The following NTN1 variants were observed in gnomAD, a reference collection of about 807,000 sequenced individuals.
The protein encoded by NTN1 is netrin-1.
Under a neutral mutation model 54.2 loss-of-function variants are expected in NTN1, and 11 were observed. The observed-to-expected ratio is 0.20, with a 90% CI of 0.13 to 0.34. NTN1 has a LOEUF of 0.34. Among genes scored for constraint, NTN1 ranks in the 10% least tolerant of loss-of-function variants. The pLI, the probability that NTN1 is intolerant of heterozygous loss-of-function variation, is 1.00. For missense variants in NTN1, 740 were observed against 893.1 expected, an observed-to-expected ratio of 0.83 and a Z score of 2.18; for synonymous variants, 371 against 382.0, an observed-to-expected ratio of 0.97 and a Z score of 0.33.
chr17:9,114,810 A>G (rs568395382), intron 2 of NTN1, among the ~76,000 whole-genome samples: 55 of 152,382 alleles, frequency 3.6e-4, no homozygotes, highest in African/African-American at 1.2e-3. Context: ...TGTTACCAGT[A>G]TAAACTGTTG....
At chr17:9,098,092 C>G (rs573734961) in intron 2 of NTN1, among the ~76,000 whole-genome samples, 6 of 152,288 alleles carry the variant, frequency 3.9e-5, no homozygotes, top group South Asian at 2.1e-4. Flanking sequence ...CTACCGTTAT[C>G]ATGACTGTAG....
At chr17:9,137,274 G>A (rs185627700) in intron 2 of NTN1, among the ~76,000 whole-genome samples, 2 of 152,246 alleles carry the variant, frequency 1.3e-5, no homozygotes, top group Admixed American at 6.5e-5. Context: ...CATGTCTCCT[G>A]TTTGTTCTGT....
intron 6 of NTN1, among the ~76,000 whole-genome samples, chr17:9,229,161 T>C (rs1905721167): frequency 1.1e-5 from 1 of 89,406 alleles, no homozygotes; most frequent in African/African-American, 5.1e-5. Flanking sequence ...TGTGACTGTG[T>C]GAGACTGTGT....
chr17:9,176,943 C>T (rs953942976), intron 3 of NTN1: 9 of 152,236 alleles, frequency 5.9e-5, no homozygotes, highest in East Asian at 5.8e-4. Context: ...GGATTCGACA[C>T]GTATGAGAGA....
intron 2 of NTN1, among the ~76,000 whole-genome samples, chr17:9,153,651 G>A (rs1039488968): frequency 3.3e-5 from 5 of 152,202 alleles, no homozygotes; most frequent in African/African-American, 1.2e-4. Flanking sequence ...ATGCAGCAAC[G>A]TCAGCCCTAT....
intron 5 of NTN1, among the ~76,000 whole-genome samples, chr17:9,218,915 G>GGAAGAAAAAAAAAAAA (rs1391961956): frequency 1.4e-5 from 2 of 141,148 alleles, no homozygotes; most frequent in East Asian, 4.2e-4. Flanking sequence ...TGGCTTTTGT[G>GGAAGAAAAAAAAAAAA]AAAAAAAAAA....
At chr17:9,005,793 G>C in the NTN1 span, among the ~76,000 whole-genome samples, 1 of 152,310 alleles carries the variant, frequency 6.6e-6, no homozygotes, top group South Asian at 2.1e-4. Context: ...GGGGTGAACT[G>C]TGCACCCAGC....
At chr17:9,022,237 C>G (rs1051183910) in intron 1 of NTN1, 74 bp from the exon 2 acceptor site, 5 of 1,010,808 alleles carry the variant, frequency 4.9e-6, no homozygotes, top group Non-Finnish European at 6.3e-6. Flanking sequence ...TCTCCCGCAT[C>G]TCCGCTCGCC....
In NTN1 at chr17:9,057,670, C is replaced by T. The variant is rs192247151; in HGVS notation, c.1018+34279C>T. On this transcript the variant is annotated intron_variant, in intron 2 of 6. Transcript: ENST00000173229. ...AAAACATCTCCTTTAAACCATCAGG[C>T]ACGAAGGCAGGATTGCTGCCCCACT... Among the ~76,000 whole-genome samples, 28 of 152,332 alleles carry T rather than the reference C, an allele frequency of 1.8e-4. No homozygotes were observed. The East Asian group carries it at 5.4e-3, about 29-fold the overall frequency.
At chr17:9,117,499 A>G (rs2092217576) in intron 2 of NTN1, among the ~76,000 whole-genome samples, 1 of 152,048 alleles carries the variant, frequency 6.6e-6, no homozygotes, top group Non-Finnish European at 1.5e-5. Context: ...CTCACGCAGT[A>G]GTTTGGGAGG....
chr17:9,175,802 C>G (rs947959501), intron 3 of NTN1: 1 of 152,260 alleles, frequency 6.6e-6, no homozygotes, highest in African/African-American at 2.4e-5. Context: ...CATGGGAAAC[C>G]TGATCTTGCC....
chr17:9,232,975 T>C lies in NTN1; in HGVS notation c.1487-6665T>C, dbSNP rs78449678. Among the ~76,000 whole-genome samples the C allele has an allele frequency of 8.3e-3, 1,261 of 152,172 alleles. 43 individuals are homozygous for C. Among genetic ancestry groups the C allele is most frequent in the African/African-American group, 0.029 (1,215 of 41,422 alleles). On this transcript the variant is annotated intron_variant, in intron 6 of 6. Transcript: ENST00000173229. ...GCTTTCATGGTTTCTGTGGGGTTCC[T>C]ATTCTCCCCCTCATTTGTCCTGGCC...
chr17:9,024,048 A>T (rs1567692484), intron 2 of NTN1, among the ~76,000 whole-genome samples: 4 of 152,262 alleles, frequency 2.6e-5, no homozygotes, highest in Admixed American at 2.6e-4. Context: ...TTTTAAACGA[A>T]TTCAATTCTG....
chr17:9,101,185 T>C (rs1432513216), intron 2 of NTN1, among the ~76,000 whole-genome samples: 1 of 152,250 alleles, frequency 6.6e-6, no homozygotes, highest in Non-Finnish European at 1.5e-5. Flanking sequence ...CTTCCATGTC[T>C]GCGACCCTAA....
At chr17:9,236,831 G>C (rs145831064) in intron 6 of NTN1, among the ~76,000 whole-genome samples, 2,632 of 152,320 alleles carry the variant, frequency 0.017, 70 homozygotes, top group South Asian at 0.12. Context: ...AGCACAGGGG[G>C]CTGCTTTGGA....
At chr17:9,225,963 A>G (rs1022579060) in intron 6 of NTN1, among the ~76,000 whole-genome samples, 2 of 152,168 alleles carry the variant, frequency 1.3e-5, no homozygotes. Flanking sequence ...GTGTGGCTGA[A>G]GAGCGCGGGT....
In NTN1 at chr17:9,208,008, T is replaced by A. The variant is rs191570048; in HGVS notation, c.1412-13160T>A. Among the ~76,000 whole-genome samples the A allele has an allele frequency of 2.1e-3, 312 of 152,078 alleles. 2 individuals carry two copies. Among genetic ancestry groups the A allele is most frequent in the African/African-American group, 7.3e-3 (302 of 41,488 alleles). ...CGGCACTTTGGGAGGCTGAGGCAGG[T>A]GGATCATGAGGTCAGGAGTTCGAGA... On this transcript the variant is annotated intron_variant, in intron 5 of 6. Transcript: ENST00000173229.
intron 5 of NTN1, among the ~76,000 whole-genome samples, chr17:9,220,079 C>T (rs1905297524): frequency 6.6e-6 from 1 of 152,234 alleles, no homozygotes; most frequent in Admixed American, 6.5e-5. Context: ...TGGCTCTGAG[C>T]TCACCTCTGC....
intron 2 of NTN1, among the ~76,000 whole-genome samples, chr17:9,127,530 G>A (rs779131562): frequency 1.3e-5 from 2 of 152,072 alleles, no homozygotes; most frequent in Admixed American, 6.5e-5. Context: ...AGTGAAGGAC[G>A]GTTGGAGTGG....
Sources: allele counts gnomAD v4.1 joint callset (sites outside exome capture counted in the v4.1 genomes callset), GRCh38; gene constraint gnomAD v4.1.1; transcripts MANE v1.5; gene names NCBI Gene and HGNC (gene_info 2026-07-23, HGNC 2026-07-21).